Variants in COLEC12 observed in about 807,000 individuals in gnomAD.
COLEC12 encodes the protein collectin subfamily member 12.
Under a neutral mutation model 71.1 loss-of-function variants are expected in COLEC12, and 33 were observed. The ratio of observed to expected loss-of-function variants is 0.46; its 90% confidence interval spans 0.35 to 0.62. COLEC12 has a LOEUF of 0.62. Ranked by LOEUF, COLEC12 falls within the 20% of genes least tolerant of loss-of-function variation. COLEC12 has a pLI of 0.00. For missense variants in COLEC12, 765 were observed against 916.1 expected (o/e 0.84, Z 2.13); for synonymous variants, 350 against 353.0 (o/e 0.99, Z 0.10).
intron 2 of COLEC12, among the ~76,000 whole-genome samples, chr18:468,306 G>C (rs1917127751): frequency 1.3e-5 from 2 of 150,582 alleles, no homozygotes; most frequent in Middle Eastern, 6.8e-3. Context: ...ATAGATTCTT[G>C]AACCTTGAAT....
chr18:455,027 T>C (rs1916837305), intron 2 of COLEC12, among the ~76,000 whole-genome samples: 1 of 152,182 alleles, frequency 6.6e-6, no homozygotes, highest in African/African-American at 2.4e-5. Context: ...TGCTTCTGAT[T>C]TTACTCCTGC....
chr18:467,517 A>C (rs1197184940), intron 2 of COLEC12, among the ~76,000 whole-genome samples: 1 of 152,262 alleles, frequency 6.6e-6, no homozygotes, highest in African/African-American at 2.4e-5. Context: ...TTTCATTAGC[A>C]TGAGAAATAC....
In COLEC12 at chr18:317,101, G is replaced by C. The variant is rs547593616; in HGVS notation, c.*2944C>G. The stretch of plus-strand genomic sequence containing the variant: ...TAGCCTGGCATGGTGGCACGCACCT[G>C]TAGTCCCTAAGCTACTGCAGAGGCT... On this transcript the variant is annotated 3_prime_UTR_variant, in exon 10 of 10. Transcript: ENST00000400256. 1 of 152,368 alleles carries C rather than the reference G, an allele frequency of 6.6e-6. No individual in the cohort carries two copies. Among genetic ancestry groups the C allele is most frequent in the South Asian group, 2.1e-4 (1 of 4,822 alleles). 9.4% of individuals were successfully genotyped at this position (152,368 alleles called of 1,614,324 possible).
chr18:498,134 C>T (rs1050541976), intron 1 of COLEC12, among the ~76,000 whole-genome samples: 16 of 152,100 alleles, frequency 1.1e-4, no homozygotes, highest in Non-Finnish European at 2.4e-4. Context: ...TTCTTCTAGA[C>T]TCAGTTTTCA....
intron 2 of COLEC12, among the ~76,000 whole-genome samples, chr18:373,647 T>A (rs1475112828): frequency 6.6e-6 from 1 of 152,164 alleles, no homozygotes; most frequent in Non-Finnish European, 1.5e-5. Flanking sequence ...CAGCTAAGAA[T>A]CCCCGTAAGG....
At chr18:321,955 T>G in intron 8 of COLEC12, 148 bp from the exon 9 acceptor site, 1 of 753,708 alleles carries the variant, frequency 1.3e-6, no homozygotes, top group African/African-American at 1.8e-5. Flanking sequence ...GTACATGCTC[T>G]TATTCAGAGA....
At chr18:363,679 C>T (rs953633681) in intron 2 of COLEC12, among the ~76,000 whole-genome samples, 1 of 152,026 alleles carries the variant, frequency 6.6e-6, no homozygotes, top group Non-Finnish European at 1.5e-5. Context: ...GTTAACAACC[C>T]GGTTAGTTGC....
At chr18:418,920 T>A (rs1940432) in intron 2 of COLEC12, among the ~76,000 whole-genome samples, 129,900 of 152,114 alleles carry the variant, frequency 0.85, 56,368 homozygotes, top group Non-Finnish European at 0.93. Flanking sequence ...CTCGCCCTGA[T>A]TTCTTTCTTG....
intron 2 of COLEC12, among the ~76,000 whole-genome samples, chr18:439,608 T>G (rs1916474762): frequency 6.6e-6 from 1 of 151,986 alleles, no homozygotes; most frequent in Non-Finnish European, 1.5e-5. Context: ...ATCATAAAAT[T>G]CATCTATTTG....
Position 500,640 on chromosome 18 carries a change from C to T in COLEC12, c.-126G>A, listed in dbSNP as rs924358954. On this transcript the variant is annotated 5_prime_UTR_variant, in exon 1 of 10. Coordinates refer to ENST00000400256, the MANE Select transcript of COLEC12 (RefSeq NM_130386.3). The surrounding 1 kb of genome is among the most constrained non-coding windows in gnomAD (Gnocchi z 5.3). ...CCGCGCCGCGCGCCGGCCGTCTGCG[C>T]CCCCGTCCTCCCTCGCCGCCGCCGG... is the stretch of plus-strand genomic sequence containing the variant. The T allele has an allele frequency of 7.1e-6, 5 of 701,160 alleles. No homozygotes were observed. The highest frequency in any genetic ancestry group is 7.5e-6 in the Non-Finnish European group (4 of 532,426). The allele number at this position is 701,160 out of a possible 1,614,324, so 43.4% of individuals were successfully genotyped here. A position where few individuals can be genotyped will look rare whatever the true frequency, so the allele number is the denominator to read the frequency against.
chr18:452,698 C>T (rs959549312), intron 2 of COLEC12, among the ~76,000 whole-genome samples: 1 of 152,216 alleles, frequency 6.6e-6, no homozygotes, highest in African/African-American at 2.4e-5. Context: ...AAAGCCAGGA[C>T]CCAAAGATGG....
At chr18:377,085 G>T (rs190971667) in intron 2 of COLEC12, among the ~76,000 whole-genome samples, 2 of 152,318 alleles carry the variant, frequency 1.3e-5, no homozygotes, top group East Asian at 3.9e-4. Context: ...GTCCAAAAGG[G>T]GAGGAAAGGG....
At chr18:459,896 T>C (rs1422698854) in intron 2 of COLEC12, among the ~76,000 whole-genome samples, 1 of 152,230 alleles carries the variant, frequency 6.6e-6, no homozygotes, top group Non-Finnish European at 1.5e-5. Flanking sequence ...TTGTTGTCTC[T>C]TAATTATCTT....
At position 354,096 on chromosome 18, in the gene COLEC12, G is replaced by A. The variant is rs1914578558; in HGVS notation, c.181+3304C>T. Among the ~76,000 whole-genome samples the A allele has an allele frequency of 2.0e-5, 3 of 152,212 alleles. No homozygotes were observed. The South Asian group carries it at 6.2e-4, about 32-fold the overall frequency. ...AAGGTTGCCTGTTGGAAAGGATAAT[G>A]GAGTAGGATTTTCCTGTTCAGGAAA... is the stretch of plus-strand genomic sequence containing the variant. On this transcript the variant is annotated intron_variant, in intron 3 of 9. Coordinates refer to ENST00000400256, the MANE Select transcript of COLEC12 (RefSeq NM_130386.3).
intron 2 of COLEC12, among the ~76,000 whole-genome samples, chr18:397,687 G>T (rs1298365699): frequency 6.6e-6 from 1 of 152,160 alleles, no homozygotes; most frequent in East Asian, 1.9e-4. Flanking sequence ...TTCAGAGGAG[G>T]CTTTTTAAGC....
chr18:341,171 T>C (rs1297125334), intron 5 of COLEC12, among the ~76,000 whole-genome samples: 1 of 152,178 alleles, frequency 6.6e-6, no homozygotes, highest in African/African-American at 2.4e-5. Flanking sequence ...GTCAGTAAAC[T>C]CTCTGTCATT....
At chr18:426,265 T>C (rs1348961747) in intron 2 of COLEC12, among the ~76,000 whole-genome samples, 2 of 150,140 alleles carry the variant, frequency 1.3e-5, no homozygotes. Flanking sequence ...ATTGAGAAAA[T>C]TGTTGAAATG....
chr18:415,544 A>G, intron 2 of COLEC12, among the ~76,000 whole-genome samples: 1 of 130,408 alleles, frequency 7.7e-6, no homozygotes, highest in African/African-American at 2.5e-5. Flanking sequence ...TTACTGAACT[A>G]TAATTGTTTA....
At chr18:409,740 A>G (rs1408664802) in intron 2 of COLEC12, among the ~76,000 whole-genome samples, 1 of 152,224 alleles carries the variant, frequency 6.6e-6, no homozygotes, top group Non-Finnish European at 1.5e-5. Flanking sequence ...TACCCACTGT[A>G]AGTATAGAGC....
Sources: gnomAD v4.1 joint callset for allele counts (sites outside exome capture counted in the v4.1 genomes callset) on GRCh38, gnomAD v4.1.1 for gene constraint, Gnocchi (gnomAD v3.1) non-coding constraint, MANE v1.5 for transcripts, NCBI Gene and HGNC (gene_info 2026-07-23, HGNC 2026-07-21) for gene names.